The following MAGI2 variants were observed in gnomAD, a reference collection of about 807,000 sequenced individuals.
The protein encoded by MAGI2 is membrane associated guanylate kinase, WW and PDZ domain containing 2.
MAGI2 carries 35 observed loss-of-function variants against 133.3 expected under a neutral mutation model. The ratio of observed to expected loss-of-function variants is 0.26; its 90% confidence interval spans 0.20 to 0.35. MAGI2 has a LOEUF of 0.35. Among genes scored for constraint, MAGI2 ranks in the 10% least tolerant of loss-of-function variants. The probability of loss-of-function intolerance (pLI) is 1.00; values close to 1 mark genes in which losing one functional copy is unlikely to be tolerated. For synonymous variants in MAGI2, 729 were observed against 710.6 expected (o/e 1.03, Z -0.41); for missense variants, 1,636 against 1,863.4 (o/e 0.88, Z 2.25).
At chr7:78,989,268 G>A (rs758517329) in intron 2 of MAGI2, among the ~76,000 whole-genome samples, 15 of 151,938 alleles carry the variant, frequency 9.9e-5, no homozygotes, top group Non-Finnish European at 1.8e-4. Context: ...TGCTAGTCAA[G>A]GATTAACCAC....
chr7:78,779,191 C>T (rs1826213255), intron 2 of MAGI2, among the ~76,000 whole-genome samples: 1 of 152,118 alleles, frequency 6.6e-6, no homozygotes, highest in Admixed American at 6.5e-5. Context: ...CAGGCGTAAG[C>T]CACCACACTG....
chr7:79,009,864 G>A (rs932522282), intron 1 of MAGI2, among the ~76,000 whole-genome samples: 5 of 152,028 alleles, frequency 3.3e-5, no homozygotes, highest in Admixed American at 3.3e-4. Context: ...GTTAGAAACA[G>A]CCTGCATTCC....
intron 2 of MAGI2, among the ~76,000 whole-genome samples, chr7:78,993,822 A>C (rs2006635): frequency 0.67 from 102,147 of 151,808 alleles, 34,546 homozygotes; most frequent in Non-Finnish European, 0.7. Flanking sequence ...AATAGAAAGA[A>C]AAAATAATCT....
At chr7:79,030,893 TC>T (rs1810505433) in intron 1 of MAGI2, among the ~76,000 whole-genome samples, 1 of 152,174 alleles carries the variant, frequency 6.6e-6, no homozygotes, top group African/African-American at 2.4e-5. Context: ...TTGGCACAAG[TC>T]CATAATTAAA....
At chr7:78,660,048 T>C (rs890291068) in intron 2 of MAGI2, among the ~76,000 whole-genome samples, 1 of 148,494 alleles carries the variant, frequency 6.7e-6, no homozygotes, top group African/African-American at 2.5e-5. Context: ...TGCATGTTCT[T>C]ACTCATAGGT....
At chr7:78,812,439 A>C (rs1313102469) in intron 2 of MAGI2, among the ~76,000 whole-genome samples, 1 of 152,210 alleles carries the variant, frequency 6.6e-6, no homozygotes, top group Admixed American at 6.5e-5. Context: ...ATCACAATGC[A>C]CACGTCTTCT....
chr7:78,041,282 C>T (rs539130576), intron 21 of MAGI2, among the ~76,000 whole-genome samples: 16 of 152,132 alleles, frequency 1.1e-4, no homozygotes, highest in South Asian at 8.3e-4. Flanking sequence ...AATAGAGATA[C>T]GAGTTTGGTT....
chr7:79,438,841 C>A (rs543549414), intron 1 of MAGI2, among the ~76,000 whole-genome samples: 63 of 152,238 alleles, frequency 4.1e-4, no homozygotes, highest in Admixed American at 8.5e-4. Context: ...CCCAATCCCT[C>A]CCATGAAATA....
chr7:78,484,106 G>A (rs1792715707), intron 6 of MAGI2: 1 of 151,916 alleles, frequency 6.6e-6, no homozygotes, highest in South Asian at 2.1e-4. Context: ...GATAAACAAT[G>A]TAATTTAGAA....
chr7:79,310,429 G>A (rs537227217), intron 1 of MAGI2, among the ~76,000 whole-genome samples: 49 of 152,172 alleles, frequency 3.2e-4, no homozygotes, highest in Non-Finnish European at 5.9e-4. Context: ...TCAAATTACT[G>A]AACTCTCCTA....
At chr7:78,263,227 C>A (rs1258707076) in intron 9 of MAGI2, among the ~76,000 whole-genome samples, 1 of 152,190 alleles carries the variant, frequency 6.6e-6, no homozygotes, top group Non-Finnish European at 1.5e-5. Flanking sequence ...CATTGGTAGG[C>A]ACCTAGATTG....
intron 2 of MAGI2, among the ~76,000 whole-genome samples, chr7:78,864,102 C>G (rs1794363375): frequency 6.6e-6 from 1 of 152,202 alleles, no homozygotes; most frequent in African/African-American, 2.4e-5. Context: ...TCTGAATAAT[C>G]TCTACTTGGC....
At chr7:79,273,552 T>C (rs936099295) in intron 1 of MAGI2, among the ~76,000 whole-genome samples, 3 of 152,216 alleles carry the variant, frequency 2.0e-5, no homozygotes, top group African/African-American at 7.2e-5. Flanking sequence ...TGGGTTTTCA[T>C]TGATCAGCCT....
At chr7:78,417,297 C>T (rs1462502745) in intron 6 of MAGI2, among the ~76,000 whole-genome samples, 1 of 110,596 alleles carries the variant, frequency 9.0e-6, no homozygotes, top group Non-Finnish European at 1.8e-5. Context: ...AAAATAAAAC[C>T]ATTTTCTAAA....
intron 21 of MAGI2, among the ~76,000 whole-genome samples, chr7:78,059,867 A>G (rs2151132268): frequency 6.6e-6 from 1 of 152,014 alleles, no homozygotes; most frequent in African/African-American, 2.4e-5. Flanking sequence ...AGGAGACTAG[A>G]AGGGAGCTTA....
chr7:78,740,004 AC>A (rs1313477112), intron 2 of MAGI2, among the ~76,000 whole-genome samples: 1 of 152,044 alleles, frequency 6.6e-6, no homozygotes, highest in African/African-American at 2.4e-5. Flanking sequence ...TAAAAAGAAT[AC>A]AAAAAATTAG....
intron 2 of MAGI2, among the ~76,000 whole-genome samples, chr7:78,714,409 C>T (rs961598746): frequency 1.3e-5 from 2 of 152,134 alleles, no homozygotes; most frequent in African/African-American, 4.8e-5. Flanking sequence ...TCGGTGCATG[C>T]CCAGACAGCA....
chr7:78,808,084 A>C (rs2151400530), intron 2 of MAGI2, among the ~76,000 whole-genome samples: 1 of 152,250 alleles, frequency 6.6e-6, no homozygotes, highest in South Asian at 2.1e-4. Context: ...TATGAAAAAC[A>C]CCCACAAAAT....
intron 9 of MAGI2, among the ~76,000 whole-genome samples, chr7:78,282,596 G>A (rs17403146): frequency 0.19 from 29,241 of 151,790 alleles, 3,238 homozygotes; most frequent in South Asian, 0.31. Context: ...TAAGTTTCAG[G>A]AAAAAAAGAC....
Sources: gnomAD v4.1 joint callset for allele counts (sites outside exome capture counted in the v4.1 genomes callset) on GRCh38, gnomAD v4.1.1 for gene constraint, MANE v1.5 for transcripts, NCBI Gene and HGNC (gene_info 2026-07-23, HGNC 2026-07-21) for gene names.